Variants in NHS observed in about 807,000 individuals in gnomAD.
The protein encoded by NHS is NHS actin remodeling regulator.
A neutral mutation model predicts 72.5 loss-of-function variants in NHS; 5 were observed. That is an observed-to-expected ratio of 0.07 (90% CI 0.04 to 0.14). The LOEUF (loss-of-function observed/expected upper bound fraction) is 0.14, where lower values mean the gene tolerates loss of function less well. NHS is among the 10% of genes least tolerant of loss of function. NHS has a pLI of 1.00. For synonymous variants in NHS, 464 were observed against 547.7 expected (o/e 0.85, Z 2.13); for missense variants, 1,072 against 1,355.7 (o/e 0.79, Z 3.29).
At chrX:17,480,200 C>G (rs2064940512) in intron 1 of NHS, among the ~76,000 whole-genome samples, 1 of 111,778 alleles carries the variant, frequency 8.9e-6, no homozygotes, top group Non-Finnish European at 1.9e-5. Flanking sequence ...AATGGCCATA[C>G]TGCCCAAAAT....
intron 1 of NHS, among the ~76,000 whole-genome samples, chrX:17,448,547 G>A (rs747718410): frequency 1.8e-5 from 2 of 112,085 alleles, no homozygotes; most frequent in East Asian, 5.6e-4. Context: ...CTCACATAGT[G>A]CCATCTCAGA....
chrX:17,553,771 A>AG (rs997687646), intron 1 of NHS, among the ~76,000 whole-genome samples: 4 of 110,890 alleles, frequency 3.6e-5, no homozygotes. Context: ...GGGGCGGGGT[A>AG]GGGGGGCGGT....
At chrX:17,599,173 G>T (rs775326777) in intron 1 of NHS, among the ~76,000 whole-genome samples, 1 of 111,913 alleles carries the variant, frequency 8.9e-6, no homozygotes, top group African/African-American at 3.2e-5. Flanking sequence ...TCCAGTTTGG[G>T]ACTTTACAGA....
intron 1 of NHS, among the ~76,000 whole-genome samples, chrX:17,460,036 C>A (rs377631230): frequency 5.2e-4 from 58 of 111,612 alleles, no homozygotes; most frequent in African/African-American, 1.7e-3. Flanking sequence ...GAAGAGGATC[C>A]CCAGCTTTAG....
intron 1 of NHS, among the ~76,000 whole-genome samples, chrX:17,679,856 G>GA (rs1234393068): frequency 1.3e-5 from 1 of 78,936 alleles, no homozygotes; most frequent in Non-Finnish European, 2.2e-5. Flanking sequence ...CCAGAATGAA[G>GA]AAAGGGGGGG....
chrX:17,540,978 G>A (rs189966901), intron 1 of NHS, among the ~76,000 whole-genome samples: 22 of 111,793 alleles, frequency 2.0e-4, no homozygotes, highest in East Asian at 2.8e-4. Flanking sequence ...AGGCTGAGGC[G>A]GGAGGATTGC....
chrX:17,701,906 T>C (rs757813971), intron 3 of NHS, among the ~76,000 whole-genome samples: 34 of 111,441 alleles, frequency 3.1e-4, no homozygotes, highest in Admixed American at 5.7e-4. Context: ...TGGAACAAAT[T>C]TGAATCAATA....
intron 1 of NHS, among the ~76,000 whole-genome samples, chrX:17,578,800 G>C (rs1016961524): frequency 8.9e-6 from 1 of 112,256 alleles, no homozygotes; most frequent in Non-Finnish European, 1.9e-5. Context: ...GTTTACAACT[G>C]TACCTGGCAT....
At chrX:17,695,496 G>A (rs1348795972) in intron 3 of NHS, among the ~76,000 whole-genome samples, 2 of 111,818 alleles carry the variant, frequency 1.8e-5, no homozygotes, top group Admixed American at 9.5e-5. Context: ...CTCAAAAAAT[G>A]TCAACGAGTG....
intron 1 of NHS, among the ~76,000 whole-genome samples, chrX:17,386,682 A>AG (rs1301244935): frequency 9.2e-6 from 1 of 108,598 alleles, no homozygotes; most frequent in East Asian, 2.9e-4. Context: ...AAAAAAAAAA[A>AG]AAGAAAAAGA....
At chrX:17,532,972 T>C (rs931056220) in intron 1 of NHS, among the ~76,000 whole-genome samples, 3 of 112,204 alleles carry the variant, frequency 2.7e-5, no homozygotes, top group Non-Finnish European at 5.6e-5. Context: ...ACAATGCCTG[T>C]AGTATAGAGA....
At chrX:17,594,032 C>T (rs926495152) in intron 1 of NHS, among the ~76,000 whole-genome samples, 20 of 111,948 alleles carry the variant, frequency 1.8e-4, no homozygotes, top group African/African-American at 6.2e-4. Context: ...AGATAGTCTA[C>T]CACTGAGTAC....
At chrX:17,453,631 T>A in intron 1 of NHS, among the ~76,000 whole-genome samples, 1 of 112,437 alleles carries the variant, frequency 8.9e-6, no homozygotes, top group Non-Finnish European at 1.9e-5. Flanking sequence ...TTGATTTGCT[T>A]TATAATCCCA....
intron 3 of NHS, among the ~76,000 whole-genome samples, chrX:17,694,843 C>A (rs922191641): frequency 8.9e-6 from 1 of 111,853 alleles, no homozygotes; most frequent in African/African-American, 3.3e-5. Flanking sequence ...ATAGGTCCAA[C>A]CGTGTTTAAA....
chrX:17,635,643 G>A (rs992928079), intron 1 of NHS: 1 of 1,128,167 alleles, frequency 8.9e-7, no homozygotes, highest in Non-Finnish European at 1.2e-6. Context: ...CAAAGGGGAG[G>A]GGGAGGCTGG....
chrX:17,488,434 C>T (rs2064975945), intron 1 of NHS, among the ~76,000 whole-genome samples: 1 of 111,044 alleles, frequency 9.0e-6, no homozygotes, highest in African/African-American at 3.3e-5. Context: ...GAGAGGCCTC[C>T]TGTGGGGTTA....
chrX:17,590,689 A>G (rs2065599136), intron 1 of NHS, among the ~76,000 whole-genome samples: 1 of 111,811 alleles, frequency 8.9e-6, no homozygotes, highest in Non-Finnish European at 1.9e-5. Flanking sequence ...GCTGTCTTGC[A>G]TTGTGCATGT....
intron 1 of NHS, among the ~76,000 whole-genome samples, chrX:17,600,130 G>T (rs2095870397): frequency 8.9e-6 from 1 of 111,749 alleles, no homozygotes; most frequent in African/African-American, 3.3e-5. Context: ...ATAATGTAAA[G>T]GTATATGGAT....
intron 1 of NHS, among the ~76,000 whole-genome samples, chrX:17,570,399 G>A (rs1259092893): frequency 8.9e-6 from 1 of 111,819 alleles, no homozygotes; most frequent in Non-Finnish European, 1.9e-5. Context: ...CTTGTAAGTT[G>A]TATTCCTAGG....
Sources: gnomAD v4.1 joint callset for allele counts (sites outside exome capture counted in the v4.1 genomes callset) on GRCh38, gnomAD v4.1.1 for gene constraint, MANE v1.5 for transcripts, NCBI Gene and HGNC (gene_info 2026-07-23, HGNC 2026-07-21) for gene names.